SLC38A6: variants seen among roughly 807,000 people sequenced by gnomAD.
The protein encoded by SLC38A6 is solute carrier family 38 member 6.
Under a neutral mutation model 65.0 loss-of-function variants are expected in SLC38A6, and 73 were observed. That is an observed-to-expected ratio of 1.12 (90% CI 0.93 to 1.37). The LOEUF (loss-of-function observed/expected upper bound fraction) is 1.37. Among genes scored for constraint, SLC38A6 ranks in the 40% most tolerant of loss-of-function variants. The pLI is 0.00. For missense variants in SLC38A6, 561 were observed against 531.1 expected (o/e 1.06, Z -0.55); for synonymous variants, 183 against 178.8 (o/e 1.02, Z -0.19).
At chr14:60,985,588 G>A (rs1446986381) in intron 3 of SLC38A6, among the ~76,000 whole-genome samples, 4 of 152,120 alleles carry the variant, frequency 2.6e-5, no homozygotes, top group African/African-American at 9.7e-5. Context: ...ATATGGATGA[G>A]TTCGTTTTGC....
chr14:61,031,974 G>A (rs948108918), intron 6 of SLC38A6, among the ~76,000 whole-genome samples: 1 of 151,744 alleles, frequency 6.6e-6, no homozygotes, highest in Non-Finnish European at 1.5e-5. Context: ...TACCAATATT[G>A]CCTTCTCAAT....
chr14:61,067,266 C>A (rs2043051342), intron 15 of SLC38A6, among the ~76,000 whole-genome samples: 1 of 152,100 alleles, frequency 6.6e-6, no homozygotes, highest in African/African-American at 2.4e-5. Context: ...AGGAAACTCT[C>A]CTTCAAGTGA....
intron 7 of SLC38A6, among the ~76,000 whole-genome samples, 155 bp downstream of exon 7, chr14:61,037,296 A>G (rs1261381316): frequency 6.6e-6 from 1 of 152,198 alleles, no homozygotes; most frequent in East Asian, 1.9e-4. Context: ...GCCTTATTTT[A>G]GGTTGTTCAG....
chr14:61,013,706 A>T (rs1439665583), intron 3 of SLC38A6, among the ~76,000 whole-genome samples: 1 of 152,194 alleles, frequency 6.6e-6, no homozygotes, highest in Non-Finnish European at 1.5e-5. Context: ...AATGTTGAAT[A>T]TTGGCCCCCA....
intron 3 of SLC38A6, among the ~76,000 whole-genome samples, chr14:61,012,850 T>A (rs1449735012): frequency 2.0e-5 from 3 of 152,194 alleles, no homozygotes; most frequent in Non-Finnish European, 4.4e-5. Flanking sequence ...CTGAAAAGAA[T>A]GTGTATTCTG....
intron 15 of SLC38A6, among the ~76,000 whole-genome samples, chr14:61,068,593 G>A (rs1011662186): frequency 2.0e-5 from 3 of 152,106 alleles, no homozygotes; most frequent in African/African-American, 4.8e-5. Flanking sequence ...TTAAGCCTCG[G>A]GTCAACTGTC....
intron 8 of SLC38A6, among the ~76,000 whole-genome samples, chr14:61,039,817 A>G (rs2041675123): frequency 6.6e-6 from 1 of 152,060 alleles, no homozygotes; most frequent in Non-Finnish European, 1.5e-5. Flanking sequence ...GTAAATATGT[A>G]TAGCATTTAT....
chr14:61,004,867 A>G (rs577559931), intron 3 of SLC38A6, among the ~76,000 whole-genome samples: 34 of 152,176 alleles, frequency 2.2e-4, no homozygotes, highest in African/African-American at 8.2e-4. Context: ...TACCAAAGCC[A>G]GGCAGAGACA....
chr14:61,003,950 T>G (rs2038892453), intron 3 of SLC38A6, among the ~76,000 whole-genome samples: 1 of 152,120 alleles, frequency 6.6e-6, no homozygotes, highest in Non-Finnish European at 1.5e-5. Context: ...CTTCTCAATT[T>G]GGAAGTTTGC....
intron 15 of SLC38A6, among the ~76,000 whole-genome samples, chr14:61,067,586 T>G (rs1185982712): frequency 1.3e-5 from 2 of 152,206 alleles, no homozygotes; most frequent in African/African-American, 4.8e-5. Flanking sequence ...ACTTTTGGCT[T>G]ATAAAGTATG....
At chr14:61,011,996 G>C (rs2039609788) in intron 3 of SLC38A6, among the ~76,000 whole-genome samples, 1 of 152,194 alleles carries the variant, frequency 6.6e-6, no homozygotes, top group Non-Finnish European at 1.5e-5. Context: ...AAATTCGGCT[G>C]TGATTGCATC....
At position 61,050,567 on chromosome 14, in the gene SLC38A6, T is replaced by G. The variant is rs374432714; in HGVS notation, c.981T>G (p.Val327=). 1.3e-6 allele frequency: 2 copies of G among 1,596,056 alleles called. No individual in the cohort carries two copies. The highest frequency in any genetic ancestry group is 1.7e-6 in the Non-Finnish European group (2 of 1,167,408). Residue 327 remains valine, a synonymous_variant, in exon 13 of 16, where the codon GTT becomes GTG. Transcript: ENST00000267488. Reference sequence around the variant, plus strand: ...ATAGTAAATACTTATCACATGATGTTGTTGTCATGACTGTGAAGTTATGCA... The same window carrying G: ...ATAGTAAATACTTATCACATGATGTGGTTGTCATGACTGTGAAGTTATGCA... ...KGYSKYLSHD[V]VVMTVKLCIL...
rs1372185990 is a variant in SLC38A6 at position 61,045,361 on chromosome 14, C to T, written c.760C>T (p.Pro254Ser). Residue 254 changes from proline (P) to serine (S), a missense_variant, in exon 11 of 16, where the codon CCA becomes TCA. Transcript: ENST00000267488. Reference sequence around the variant, plus strand: ...TTTTTTTCAGAGTGCTTATGCCTTACCAACCATGGCTTTTTCATTTCTCTG... The same window carrying T: ...TTTTTTTCAGAGTGCTTATGCCTTATCAACCATGGCTTTTTCATTTCTCTG... ...HFSKESAYAL[P>S]TMAFSFLCHT... 2 of 1,613,446 alleles carry T rather than the reference C, an allele frequency of 1.2e-6. No individual in the cohort carries two copies. The highest frequency in any genetic ancestry group is 1.7e-6 in the Non-Finnish European group (2 of 1,179,616).
chr14:61,077,229 C>T (rs895492120), intron 15 of SLC38A6, among the ~76,000 whole-genome samples: 12 of 152,134 alleles, frequency 7.9e-5, no homozygotes, highest in Admixed American at 6.5e-5. Flanking sequence ...TAGACCAACA[C>T]TTGGAAACTA....
intron 3 of SLC38A6, chr14:61,002,288 TG>T (rs1271162240): frequency 6.6e-6 from 1 of 152,058 alleles, no homozygotes; most frequent in African/African-American, 2.4e-5. Flanking sequence ...TCAATGAAAT[TG>T]CATAGTGAAT....
chr14:61,013,584 T>G (rs1203591192), intron 3 of SLC38A6, among the ~76,000 whole-genome samples: 1 of 152,238 alleles, frequency 6.6e-6, no homozygotes, highest in Non-Finnish European at 1.5e-5. Context: ...GGTCTGGTGA[T>G]GACAAAATCT....
chr14:61,052,282 C>A, intron 15 of SLC38A6, 67 bp from the exon 16 acceptor site: 1 of 1,372,894 alleles, frequency 7.3e-7, no homozygotes, highest in Non-Finnish European at 9.9e-7. Context: ...ACAAATAATC[C>A]AATTGTATTT....
downstream of SLC38A6, chr14:61,083,731 C>A: frequency 6.5e-7 from 1 of 1,543,886 alleles, no homozygotes; most frequent in African/African-American, 1.4e-5. Flanking sequence ...GTTTAATCAC[C>A]CAGTTTGTGG....
chr14:61,021,256 A>G (rs529865632), intron 5 of SLC38A6, among the ~76,000 whole-genome samples: 1 of 152,302 alleles, frequency 6.6e-6, no homozygotes, highest in African/African-American at 2.4e-5. Context: ...AGTACCTTAA[A>G]TATTCTAGAT....
Sources: gnomAD v4.1 joint callset for allele counts (sites outside exome capture counted in the v4.1 genomes callset) on GRCh38, gnomAD v4.1.1 for gene constraint, MANE v1.5 for transcripts, NCBI Gene and HGNC (gene_info 2026-07-23, HGNC 2026-07-21) for gene names.